The following MYBPC3 variants were observed in gnomAD, a reference collection of about 807,000 sequenced individuals.
MYBPC3 encodes myosin binding protein C3.
In MYBPC3, 108 loss-of-function variants were observed where a neutral mutation model predicts 159.3. The ratio of observed to expected loss-of-function variants is 0.68; its 90% CI spans 0.58 to 0.80. The LOEUF (loss-of-function observed/expected upper bound fraction) is 0.80. Ranked by LOEUF, MYBPC3 falls within the 30% of genes least tolerant of loss-of-function variation. MYBPC3 has a pLI of 0.00. For missense variants in MYBPC3, 1,631 were observed against 1,762.1 expected (o/e 0.93, Z 1.33); for synonymous variants, 730 against 702.0 (o/e 1.04, Z -0.63).
In MYBPC3 at chr11:47,351,485, G is replaced by A. The variant is rs730880573; in HGVS notation, c.46C>T (p.Pro16Ser). The part of the protein sequence containing the change: ...KKPVSAFSKK[P>S]RSVEVAAGSP... ...CCTGCGGCCACTTCCACTGACCGTG[G>A]CTTCTTGCTAAAAGCTGAGACTGAA... The change falls in exon 2 of 35, where the codon CCA becomes TCA. Residue 16 changes from proline to serine, a missense_variant. Transcript: ENST00000545968. This position sits in a 1 kb window ranked among gnomAD's most constrained non-coding sequence, Gnocchi z 4.2. 14 of 1,590,056 alleles carry A rather than the reference G, an allele frequency of 8.8e-6. No individual in the cohort carries two copies. Among genetic ancestry groups the A allele is most frequent in the Admixed American group, 1.7e-5 (1 of 59,212 alleles).
rs2095894322 is a variant in MYBPC3, at chr11:47,346,528, G to A, written c.926+99C>T. ...GCTGCTCTGGGTCCCAGGCCAGGCA[G>A]GACTGGGGGCCAAGGGAGCTGAAGA... On this transcript the variant is annotated intron_variant, in intron 11 of 34. Coordinates refer to ENST00000545968, the MANE Select transcript of MYBPC3 (RefSeq NM_000256.3). The surrounding 1 kb of genome is among the most constrained non-coding windows in gnomAD (Gnocchi z 5.3). The A allele has an allele frequency of 6.7e-7, 1 of 1,485,312 alleles. No homozygotes were observed. The highest frequency in any genetic ancestry group is 2.0e-4 in the Middle Eastern group (1 of 5,034). The allele number at this position is 1,485,312 out of a possible 1,614,324, so 92.0% of individuals were successfully genotyped here. A position where few individuals can be genotyped will look rare whatever the true frequency, so the allele number is the denominator to read the frequency against.
rs2095889408 is a variant in MYBPC3, at chr11:47,342,199, G to A, written c.1625-43C>T. 1.9e-6 allele frequency: 3 copies of A among 1,600,150 alleles called. 1 individual carries two copies. Among genetic ancestry groups the A allele is most frequent in the African/African-American group, 1.3e-5 (1 of 74,888 alleles). ...GCCATTGAGCTCGGGAGGGTGTGTG[G>A]GTGTGGCGTGAATCCCTGTGGAGGG... On this transcript the variant is annotated intron_variant, in intron 17 of 34. Coordinates refer to ENST00000545968, the MANE Select transcript of MYBPC3 (RefSeq NM_000256.3).
chr11:47,332,946 G>A lies in MYBPC3; in HGVS notation c.3358C>T (p.Arg1120Cys), dbSNP rs368721523. 35 of 1,610,616 alleles carry A rather than the reference G, an allele frequency of 2.2e-5. No individual in the cohort carries two copies. Among genetic ancestry groups the A allele is most frequent in the South Asian group, 1.0e-4 (9 of 90,254 alleles). Residue 1120 changes from arginine (R) to cysteine (C), a missense_variant, in exon 31 of 35, where the codon CGC becomes TGC. By Grantham distance (180) the Arg-to-Cys change is radical. Transcript: ENST00000545968. This position sits in a 1 kb window ranked among gnomAD's most constrained non-coding sequence, Gnocchi z 4.2. ...MEWFTVLEHY[R>C]RTHCVVPELI... The stretch of plus-strand genomic sequence containing the variant: ...TCTGGCACCACGCAGTGGGTGCGGC[G>A]GTAATGCTCCAAGACGGTGAACCAC...
At chr11:47,342,283 C>A (rs1328361683) in intron 17 of MYBPC3, 127 bp from the exon 18 acceptor site, 1 of 1,239,332 alleles carries the variant, frequency 8.1e-7, no homozygotes, top group African/African-American at 1.5e-5. Flanking sequence ...CATGTGAAAA[C>A]ACGTGTGCCT....
In MYBPC3 at chr11:47,347,791, T is replaced by C. The variant is rs1369899240; in HGVS notation, c.821+66A>G. The C allele has an allele frequency of 1.9e-6, 3 of 1,546,766 alleles. No homozygotes were observed. The African/African-American group carries it at 4.1e-5, about 21-fold the overall frequency. ...AATCATCCCCAGCCCTGACCCCCAG[T>C]CGAGACCCTGAAGGGCCTCAGACTC... is the stretch of plus-strand genomic sequence containing the variant. On this transcript the variant is annotated intron_variant, in intron 7 of 34. Transcript: ENST00000545968.
rs2095878039 is a variant in MYBPC3, at chr11:47,332,376, T to C, written c.3628-118A>G. ...GGGGTCCCACGAGAGTCCCTGACTA[T>C]GCCCAAGGCTGGAAACAAACATGGA... On this transcript the variant is annotated intron_variant, in intron 32 of 34. Coordinates refer to ENST00000545968, the MANE Select transcript of MYBPC3 (RefSeq NM_000256.3). The surrounding 1 kb of genome is among the most constrained non-coding windows in gnomAD (Gnocchi z 4.2). The C allele has an allele frequency of 7.0e-7, 1 of 1,425,386 alleles. No individual in the cohort carries two copies. Among genetic ancestry groups the C allele is most frequent in the Admixed American group, 1.9e-5 (1 of 53,474 alleles). The allele number at this position is 1,425,386 out of a possible 1,614,324, so 88.3% of individuals were successfully genotyped here.
In MYBPC3 at chr11:47,332,146, T is replaced by C. The variant is rs1085307978; in HGVS notation, c.3740A>G (p.Asp1247Gly). 6.2e-7 allele frequency: 1 copy of C among 1,613,594 alleles called. No individual in the cohort carries two copies. The highest frequency in any genetic ancestry group is 8.5e-7 in the Non-Finnish European group (1 of 1,179,886). Reference protein sequence around the residue: ...TLEIRKPCPFDGGIYVCRATN... With the variant: ...TLEIRKPCPFGGGIYVCRATN... ...GGCCCTGCAGACATAGATGCCCCCG[T>C]CAAAGGGGCAGGGCTTTCTAATCTC... The change falls in exon 33 of 35, where the codon GAC becomes GGC. Residue 1247 changes from aspartate (D) to glycine (G), a missense_variant. Asp to Gly is a moderately conservative substitution (Grantham distance 94). Coordinates refer to ENST00000545968, the MANE Select transcript of MYBPC3 (RefSeq NM_000256.3). The surrounding 1 kb of genome is among the most constrained non-coding windows in gnomAD (Gnocchi z 4.2).
At chr11:47,349,275 C>T (rs769624116) in intron 5 of MYBPC3, among the ~76,000 whole-genome samples, 80 of 152,196 alleles carry the variant, frequency 5.3e-4, no homozygotes, top group Non-Finnish European at 3.5e-4. Flanking sequence ...AGGTTCTAGG[C>T]CTATGTCTAA....
intron 30 of MYBPC3, 83 bp from the exon 31 acceptor site, chr11:47,333,056 T>C: frequency 2.0e-6 from 3 of 1,535,504 alleles, no homozygotes; most frequent in Non-Finnish European, 2.6e-6. Context: ...CCTTGGCATC[T>C]CCACCCCTAC....
rs397515951 is a variant in MYBPC3, at chr11:47,338,665, G to T, written c.2163C>A (p.Thr721=). The T allele has an allele frequency of 6.2e-7, 1 of 1,612,188 alleles. No homozygotes were observed. The highest frequency in any genetic ancestry group is 1.3e-5 in the African/African-American group (1 of 75,008). The stretch of plus-strand genomic sequence containing the variant: ...TGGTCTCCACGCGGACCCGGCCCTC[G>T]GTCTCACACAGCAGCTGGGGGGGTG... The part of the protein sequence containing the change: ...WVFDKKLLCE[T]EGRVRVETTK... The change falls in exon 23 of 35, where the codon ACC becomes ACA. Residue 721 remains threonine (T), a synonymous_variant. Transcript: ENST00000545968. The surrounding 1 kb of genome is among the most constrained non-coding windows in gnomAD (Gnocchi z 4.7).
Position 47,342,558 on chromosome 11 carries a change from G to A in MYBPC3, c.1624+20C>T. On this transcript the variant is annotated intron_variant, in intron 17 of 34. Transcript: ENST00000545968. ...GGGTCCAAGCCCTAAAGCCTCATGT[G>A]CCCCCCCAGCCAGGCTCACCCTGCA... The A allele has an allele frequency of 6.4e-7, 1 of 1,552,732 alleles. No homozygotes were observed.
In MYBPC3 at chr11:47,341,180, CGGG is replaced by C; in HGVS notation, c.1852_1854del (p.Pro618del). On this transcript the variant is annotated inframe_deletion, in exon 19 of 35. Coordinates refer to ENST00000545968, the MANE Select transcript of MYBPC3 (RefSeq NM_000256.3). ...GCTGACAGGTTGCAGGCGAAGCCCT[CGGG>C]CACAAAGCTGTAGTCAGCCTCGTCG... The C allele has an allele frequency of 2.5e-6, 4 of 1,602,314 alleles. No homozygotes were observed. The highest frequency in any genetic ancestry group is 2.3e-5 in the East Asian group (1 of 44,242).
chr11:47,348,754 A>G (rs1361558748), intron 5 of MYBPC3, among the ~76,000 whole-genome samples: 1 of 149,996 alleles, frequency 6.7e-6, no homozygotes, highest in Non-Finnish European at 1.5e-5. Flanking sequence ...AAATAACGAA[A>G]ATTAGCCAAG....
chr11:47,343,376 A>C lies in MYBPC3; in HGVS notation c.1224-114T>G. ...CAAAAGGATGGGAAATTAGGCCCAG[A>C]GAGATGGGGCTGAGAGCCACACCGA... On this transcript the variant is annotated intron_variant, in intron 13 of 34. Transcript: ENST00000545968. 4.0e-6 allele frequency: 6 copies of C among 1,483,136 alleles called. No individual in the cohort carries two copies. In the South Asian group the frequency reaches 8.1e-5, roughly 20 times the overall value. 91.9% of individuals were successfully genotyped at this position (1,483,136 alleles called of 1,614,324 possible).
At chr11:47,349,028 A>T (rs769102887) in intron 5 of MYBPC3, among the ~76,000 whole-genome samples, 3 of 150,168 alleles carry the variant, frequency 2.0e-5, no homozygotes, top group Admixed American at 6.7e-5. Context: ...GACTATCTCG[A>T]AACCCATGAT....
At position 47,343,477 on chromosome 11, in the gene MYBPC3, C is replaced by T. The variant is rs1031682077; in HGVS notation, c.1223+15G>A. 6.4e-7 allele frequency: 1 copy of T among 1,570,456 alleles called. No individual in the cohort carries two copies. Among genetic ancestry groups the T allele is most frequent in the South Asian group, 1.2e-5 (1 of 85,588 alleles). On this transcript the variant is annotated intron_variant, in intron 13 of 34. Coordinates refer to ENST00000545968, the MANE Select transcript of MYBPC3 (RefSeq NM_000256.3). The stretch of plus-strand genomic sequence containing the variant: ...CCACCTCCACCCGAGCCCCCCTCCC[C>T]ACCCCAGGCTGCACCTGCCGCTCAT...
chr11:47,337,344 T>G (rs757317544), intron 25 of MYBPC3, 47 bp downstream of exon 25: 3 of 1,521,372 alleles, frequency 2.0e-6, no homozygotes, highest in Non-Finnish European at 2.6e-6. Context: ...TTGGAGGTTT[T>G]TAACTGGGGA....
rs730880596 is a variant in MYBPC3, at chr11:47,332,579, C to T, written c.3614G>A (p.Arg1205Gln). Residue 1205 changes from arginine (R) to glutamine (Q), a missense_variant, in exon 32 of 35, where the codon CGG (arginine) becomes CAG (glutamine). Physicochemically the swap from Arg to Gln is conservative, Grantham distance 43 (BLOSUM62 1). Transcript: ENST00000545968. The surrounding 1 kb of genome is among the most constrained non-coding windows in gnomAD (Gnocchi z 4.2). ...AAAGTTCCCTACCTTGGGGCTACCCCGGACAGCACAGCAGAGCATAGCAGT... is the reference window on the plus strand; with the variant it reads ...AAAGTTCCCTACCTTGGGGCTACCCTGGACAGCACAGCAGAGCATAGCAGT... ...GYTAMLCCAV[R>Q]GSPKPKISWF... 6.8e-5 allele frequency: 110 copies of T among 1,612,000 alleles called. No individual in the cohort carries two copies. Among genetic ancestry groups the T allele is most frequent in the Non-Finnish European group, 8.1e-5 (96 of 1,178,584 alleles).
intron 20 of MYBPC3, among the ~76,000 whole-genome samples, chr11:47,340,260 TACAC>T (rs774247126): frequency 1.1e-4 from 16 of 150,904 alleles, no homozygotes; most frequent in East Asian, 1.9e-4. Flanking sequence ...CATATATACA[TACAC>T]ACACAGACAC....
Sources: allele counts gnomAD v4.1 joint callset (sites outside exome capture counted in the v4.1 genomes callset), GRCh38; gene constraint gnomAD v4.1.1; non-coding constraint Gnocchi (gnomAD v3.1); transcripts MANE v1.5; gene names NCBI Gene and HGNC (gene_info 2026-07-23, HGNC 2026-07-21).